Variants in ZSCAN4 observed in about 807,000 individuals in gnomAD.
ZSCAN4 encodes the protein zinc finger and SCAN domain containing 4.
Under a neutral mutation model 18.3 loss-of-function variants are expected in ZSCAN4, and 18 were observed. The observed-to-expected ratio is 0.98, with a 90% CI of 0.68 to 1.46. The LOEUF (loss-of-function observed/expected upper bound fraction) is 1.46, where lower values mean the gene tolerates loss of function less well. ZSCAN4 is among the 40% of genes most tolerant of loss of function. ZSCAN4 has a pLI of 0.00. For synonymous variants in ZSCAN4, 193 were observed against 180.3 expected (o/e 1.07, Z -0.57); for missense variants, 498 against 511.4 (o/e 0.97, Z 0.25).
At chr19:57,655,803 C>T in the ZSCAN4 span, among the ~76,000 whole-genome samples, 6 of 152,038 alleles carry the variant, frequency 3.9e-5, no homozygotes, top group African/African-American at 7.2e-5. Flanking sequence ...CTTCCCTTTC[C>T]GACACATATC....
chr19:57,672,763 C>A (rs1984060709), intron 2 of ZSCAN4, among the ~76,000 whole-genome samples: 1 of 152,036 alleles, frequency 6.6e-6, no homozygotes, highest in Non-Finnish European at 1.5e-5. Context: ...CCACCACACC[C>A]AACTCATTTT....
intron 2 of ZSCAN4, among the ~76,000 whole-genome samples, chr19:57,673,091 C>A (rs1984072358): frequency 6.6e-6 from 1 of 151,968 alleles, no homozygotes; most frequent in South Asian, 2.1e-4. Flanking sequence ...CTCTGTCGCC[C>A]AGGCTGGAGT....
the ZSCAN4 span, among the ~76,000 whole-genome samples, chr19:57,657,513 A>G: frequency 3.3e-5 from 5 of 152,360 alleles, no homozygotes; most frequent in Middle Eastern, 3.4e-3. Context: ...GAGCTCTCAT[A>G]CATTGCTGGT....
Position 57,676,428 on chromosome 19 carries a change from G to A in ZSCAN4, c.283G>A (p.Gly95Ser). 3.1e-6 allele frequency: 5 copies of A among 1,614,200 alleles called. No homozygotes were observed. The highest frequency in any genetic ancestry group is 4.2e-6 in the Non-Finnish European group (5 of 1,180,036). ...ATTAGTCCTGGAGCAGTTTATGATT[G>A]GTGGCCACTGCAATGACAAAGCCAG... Residue 95 changes from glycine (G) to serine (S), a missense_variant, in exon 3 of 5, where the codon GGT becomes AGT. Physicochemically the swap from Gly to Ser is moderately conservative, Grantham distance 56. Transcript: ENST00000318203.
Position 57,678,846 on chromosome 19 carries a change from A to G in ZSCAN4, c.1243A>G (p.Met415Val), listed in dbSNP as rs201878902. 5.8e-5 allele frequency: 93 copies of G among 1,612,682 alleles called. No homozygotes were observed. In the African/African-American group the frequency reaches 1.2e-3, roughly 21 times the overall value. ...CCAGTCATCCACATACCACCGCCATATGAGGACTCATGAGAAAATTACCCT... is the reference window on the plus strand; with the variant it reads ...CCAGTCATCCACATACCACCGCCATGTGAGGACTCATGAGAAAATTACCCT... Residue 415 changes from methionine (M) to valine (V), a missense_variant, in exon 5 of 5, where the codon ATG (methionine) becomes GTG (valine). Coordinates refer to ENST00000318203, the Ensembl canonical transcript of ZSCAN4.
the ZSCAN4 span, among the ~76,000 whole-genome samples, chr19:57,652,616 C>G: frequency 3.3e-5 from 5 of 152,094 alleles, no homozygotes; most frequent in Non-Finnish European, 7.4e-5. Flanking sequence ...TCCTCCACCC[C>G]CTTACCATCA....
At chr19:57,662,057 G>T in the ZSCAN4 span, among the ~76,000 whole-genome samples, 5 of 143,408 alleles carry the variant, frequency 3.5e-5, no homozygotes, top group Non-Finnish European at 7.5e-5. Context: ...CTCCAGCCTG[G>T]CCAACAGAGC....
chr19:57,676,098 A>G, exon 3 of ZSCAN4: 1 of 1,538,020 alleles, frequency 6.5e-7, no homozygotes, highest in Non-Finnish European at 8.8e-7. Flanking sequence ...ACACAAGGCA[A>G]GAGACTGAAT....
At chr19:57,677,958 T>C (rs746044345) in exon 4 of ZSCAN4, 12 of 1,585,112 alleles carry the variant, frequency 7.6e-6, no homozygotes, top group Non-Finnish European at 1.0e-5. Context: ...TTTCTGAGGA[T>C]ATGCCCTTAA....
At chr19:57,659,433 C>T in the ZSCAN4 span, among the ~76,000 whole-genome samples, 1 of 152,076 alleles carries the variant, frequency 6.6e-6, no homozygotes, top group African/African-American at 2.4e-5. Flanking sequence ...GTTGTCCAGG[C>T]TGGAGTTCAG....
chr19:57,671,767 G>T (rs1428069220), intron 2 of ZSCAN4, among the ~76,000 whole-genome samples: 1 of 152,166 alleles, frequency 6.6e-6, no homozygotes, highest in African/African-American at 2.4e-5. Flanking sequence ...TTGTCTCCTA[G>T]GAGATTTTAC....
rs866176003 is a variant in ZSCAN4 at position 57,671,809 on chromosome 19, A to G, written c.-106+1242A>G. Among the ~76,000 whole-genome samples, 16 of 152,356 alleles carry G rather than the reference A, an allele frequency of 1.1e-4. No individual in the cohort carries two copies. The Middle Eastern group carries it at 0.014, about 130-fold the overall frequency. ...CACCTCTGCCTTATTAACTGATGCG[A>G]TCAGGGTAGCAGATCTGGTCTAATC... On this transcript the variant is annotated intron_variant, in intron 2 of 4. Transcript: ENST00000318203.
chr19:57,654,778 A>G, the ZSCAN4 span, among the ~76,000 whole-genome samples: 1 of 152,006 alleles, frequency 6.6e-6, no homozygotes, highest in Non-Finnish European at 1.5e-5. Flanking sequence ...CAGCCTCCCA[A>G]AGCCTTTTTG....
the ZSCAN4 span, among the ~76,000 whole-genome samples, chr19:57,660,729 T>A: frequency 6.6e-6 from 1 of 152,176 alleles, no homozygotes; most frequent in African/African-American, 2.4e-5. Flanking sequence ...ATCCTCAAAG[T>A]TTCTGAATTG....
the ZSCAN4 span, among the ~76,000 whole-genome samples, chr19:57,661,314 A>G: frequency 6.6e-6 from 1 of 152,196 alleles, no homozygotes; most frequent in Non-Finnish European, 1.5e-5. Context: ...ATAGATTTCC[A>G]TTAATTTACA....
chr19:57,653,739 C>T, the ZSCAN4 span, among the ~76,000 whole-genome samples: 1 of 152,366 alleles, frequency 6.6e-6, no homozygotes, highest in East Asian at 1.9e-4. Flanking sequence ...AACCTCAGGA[C>T]AGCCCTCACC....
the ZSCAN4 span, among the ~76,000 whole-genome samples, chr19:57,656,803 C>A: frequency 6.6e-6 from 1 of 152,218 alleles, no homozygotes; most frequent in South Asian, 2.1e-4. Context: ...GCCTGGGCAA[C>A]ATGGCAAAAC....
chr19:57,654,789 C>T, the ZSCAN4 span, among the ~76,000 whole-genome samples: 1 of 152,090 alleles, frequency 6.6e-6, no homozygotes, highest in Non-Finnish European at 1.5e-5. Context: ...AGCCTTTTTG[C>T]TTTCACCTGG....
exon 5 of ZSCAN4, chr19:57,678,861 A>C (rs1232171490): frequency 6.2e-7 from 1 of 1,611,572 alleles, no homozygotes; most frequent in Admixed American, 1.7e-5. Flanking sequence ...GACTCATGAG[A>C]AAATTACCCT....
Sources: gnomAD v4.1 joint callset for allele counts (sites outside exome capture counted in the v4.1 genomes callset) on GRCh38, gnomAD v4.1.1 for gene constraint, MANE v1.5 for transcripts, NCBI Gene and HGNC (gene_info 2026-07-23, HGNC 2026-07-21) for gene names.